B3GALT1: variants seen among roughly 807,000 people sequenced by gnomAD.
B3GALT1 encodes the protein beta-1,3-galactosyltransferase 1, also known as UDP-Gal:betaGlcNAc beta 1,3-galactosyltransferase, polypeptide 1.
In B3GALT1, 10 loss-of-function variants were observed where a neutral mutation model predicts 23.2. The ratio of observed to expected loss-of-function variants is 0.43; its 90% CI spans 0.27 to 0.73. The LOEUF (loss-of-function observed/expected upper bound fraction) is 0.73, where lower values mean the gene tolerates loss of function less well. Among genes scored for constraint, B3GALT1 ranks in the 30% least tolerant of loss-of-function variants. The pLI is 0.21. For synonymous variants in B3GALT1, 156 were observed against 141.5 expected (o/e 1.10, Z -0.73); for missense variants, 299 against 405.4 (o/e 0.74, Z 2.25).
intron 1 of B3GALT1, among the ~76,000 whole-genome samples, chr2:167,489,864 G>C (rs1258442786): frequency 6.6e-6 from 1 of 152,126 alleles, no homozygotes; most frequent in Non-Finnish European, 1.5e-5. Context: ...TAAAATTAAT[G>C]TCTGGGGAAA....
intron 1 of B3GALT1, among the ~76,000 whole-genome samples, chr2:167,394,048 A>G (rs1354892404): frequency 6.6e-6 from 1 of 152,230 alleles, no homozygotes; most frequent in Non-Finnish European, 1.5e-5. Flanking sequence ...TATCTAAAAT[A>G]AGTAAGCCAT....
chr2:167,831,219 C>T (rs1689345663), intron 4 of B3GALT1, among the ~76,000 whole-genome samples: 1 of 152,164 alleles, frequency 6.6e-6, no homozygotes, highest in South Asian at 2.1e-4. Context: ...CAACAGTGCC[C>T]TTTATTAACA....
intron 1 of B3GALT1, among the ~76,000 whole-genome samples, chr2:167,438,112 A>G (rs947472487): frequency 1.3e-5 from 2 of 152,240 alleles, no homozygotes; most frequent in African/African-American, 4.8e-5. Flanking sequence ...CTGGCCACCT[A>G]TAAAAGATGA....
intron 3 of B3GALT1, among the ~76,000 whole-genome samples, chr2:167,746,422 T>C (rs1003096480): frequency 3.3e-5 from 5 of 152,232 alleles, no homozygotes; most frequent in Non-Finnish European, 5.9e-5. Flanking sequence ...CTCTCAAGCC[T>C]TTTTTCTCAC....
At chr2:167,416,121 A>G (rs115876757) in intron 1 of B3GALT1, among the ~76,000 whole-genome samples, 2,687 of 152,292 alleles carry the variant, frequency 0.018, 23 homozygotes, top group Non-Finnish European at 0.027. Context: ...GAGAGAAGGA[A>G]CCATCAAGGT....
At chr2:167,625,603 G>A (rs748157677) in intron 2 of B3GALT1, among the ~76,000 whole-genome samples, 7 of 151,580 alleles carry the variant, frequency 4.6e-5, no homozygotes, top group African/African-American at 7.3e-5. Context: ...GGGAAAATCC[G>A]CTAATATCCA....
At chr2:167,314,868 A>G (rs1418429926) in intron 1 of B3GALT1, among the ~76,000 whole-genome samples, 1 of 152,146 alleles carries the variant, frequency 6.6e-6, no homozygotes, top group Non-Finnish European at 1.5e-5. Flanking sequence ...ATAACCTCAT[A>G]GCCTAATAAA....
intron 1 of B3GALT1, among the ~76,000 whole-genome samples, chr2:167,354,640 C>T (rs930285336): frequency 6.6e-6 from 1 of 152,126 alleles, no homozygotes; most frequent in Admixed American, 6.6e-5. Context: ...CCACTTTGCC[C>T]GGCCAAATCT....
At chr2:167,613,197 A>G (rs1432847423) in intron 2 of B3GALT1, among the ~76,000 whole-genome samples, 1 of 151,926 alleles carries the variant, frequency 6.6e-6, no homozygotes, top group Non-Finnish European at 1.5e-5. Context: ...TATCCTACGT[A>G]AATAATTGAA....
intron 1 of B3GALT1, among the ~76,000 whole-genome samples, chr2:167,410,527 A>G (rs985311690): frequency 1.3e-5 from 2 of 150,914 alleles, no homozygotes; most frequent in Non-Finnish European, 2.9e-5. Context: ...GAGTTCAACA[A>G]TGAGAACACA....
At chr2:167,804,324 C>CT (rs58504746) in intron 3 of B3GALT1, among the ~76,000 whole-genome samples, 42 of 147,888 alleles carry the variant, frequency 2.8e-4, no homozygotes, top group Non-Finnish European at 3.6e-4. Flanking sequence ...TTGTTTTTTT[C>CT]TTTTTTTTTT....
chr2:167,764,861 G>C (rs1178738472), intron 3 of B3GALT1, among the ~76,000 whole-genome samples: 2 of 152,044 alleles, frequency 1.3e-5, no homozygotes, highest in South Asian at 2.1e-4. Context: ...TGACTGCTTG[G>C]GGGTAAACAA....
intron 2 of B3GALT1, among the ~76,000 whole-genome samples, chr2:167,588,866 TTTCCTTCC>T (rs764207112): frequency 7.5e-6 from 1 of 133,746 alleles, no homozygotes; most frequent in Admixed American, 7.7e-5. Flanking sequence ...TCCTTCCTTC[TTTCCTTCC>T]TTCCTTCCTT....
intron 2 of B3GALT1, among the ~76,000 whole-genome samples, chr2:167,587,926 G>T (rs1452703257): frequency 6.6e-6 from 1 of 152,184 alleles, no homozygotes; most frequent in Non-Finnish European, 1.5e-5. Context: ...CAGAATTCAG[G>T]TTCCGTAGCT....
chr2:167,752,579 C>G (rs1462014901), intron 3 of B3GALT1, among the ~76,000 whole-genome samples: 6 of 143,508 alleles, frequency 4.2e-5, no homozygotes, highest in Admixed American at 2.8e-4. Context: ...TCCTCCCCCC[C>G]GCCCCTCTCC....
At chr2:167,299,492 C>T (rs1696411559) in intron 1 of B3GALT1, among the ~76,000 whole-genome samples, 1 of 152,094 alleles carries the variant, frequency 6.6e-6, no homozygotes, top group African/African-American at 2.4e-5. Flanking sequence ...GATAGCATCA[C>T]TGATTGCTTG....
At chr2:167,433,505 T>G in intron 1 of B3GALT1, among the ~76,000 whole-genome samples, 1 of 152,248 alleles carries the variant, frequency 6.6e-6, no homozygotes. Context: ...GGATAAGAGT[T>G]GATAGGTTAA....
intron 1 of B3GALT1, among the ~76,000 whole-genome samples, chr2:167,293,673 T>A (rs1271146706): frequency 6.6e-6 from 1 of 150,996 alleles, no homozygotes; most frequent in Non-Finnish European, 1.5e-5. Flanking sequence ...TGGGCTGGAG[T>A]GAGTAGGATG....
At chr2:167,650,331 T>C (rs1685839674) in intron 3 of B3GALT1, among the ~76,000 whole-genome samples, 1 of 149,420 alleles carries the variant, frequency 6.7e-6, no homozygotes, top group Admixed American at 6.7e-5. Flanking sequence ...TGTGTATATA[T>C]ATATTTATTA....
Sources: gnomAD v4.1 joint callset for allele counts (sites outside exome capture counted in the v4.1 genomes callset) on GRCh38, gnomAD v4.1.1 for gene constraint, MANE v1.5 for transcripts, NCBI Gene and HGNC (gene_info 2026-07-23, HGNC 2026-07-21) for gene names.